ADARB2: variants seen among roughly 807,000 people sequenced by gnomAD.
The protein encoded by ADARB2 is adenosine deaminase RNA specific B2 (inactive).
ADARB2 carries 25 observed loss-of-function variants against 62.2 expected under a neutral mutation model. That is an observed-to-expected ratio of 0.40 (90% CI 0.29 to 0.56). The LOEUF (loss-of-function observed/expected upper bound fraction) is 0.56. Among genes scored for constraint, ADARB2 ranks in the 20% least tolerant of loss-of-function variants. The pLI is 0.43. For missense variants in ADARB2, 1,071 were observed against 1,077.4 expected, an observed-to-expected ratio of 0.99 and a Z score of 0.08; for synonymous variants, 572 against 500.8, an observed-to-expected ratio of 1.14 and a Z score of -1.90.
At position 1,448,804 on chromosome 10, in the gene ADARB2, A is replaced by G. The variant is rs528832879; in HGVS notation, c.101-69644T>C. On this transcript the variant is annotated intron_variant, in intron 1 of 9. Coordinates refer to ENST00000381312, the MANE Select transcript of ADARB2 (RefSeq NM_018702.4). Reference sequence around the variant, plus strand: ...TCCTTTGTCGACCTAGCACTGCTGGACTGTAATACTAACTTTAAATCAAAG... The same window carrying G: ...TCCTTTGTCGACCTAGCACTGCTGGGCTGTAATACTAACTTTAAATCAAAG... Among the ~76,000 whole-genome samples, 16 of 152,120 alleles carry G rather than the reference A, an allele frequency of 1.1e-4. No homozygotes were observed. In the East Asian group the frequency reaches 1.7e-3, roughly 17 times the overall value.
At chr10:1,229,654 T>G (rs1389006093) in intron 6 of ADARB2, among the ~76,000 whole-genome samples, 2 of 21,268 alleles carry the variant, frequency 9.4e-5, no homozygotes, top group African/African-American at 6.7e-4. Context: ...TGTCGTGTGC[T>G]TGTGTGTGCA....
rs1835090095 is a variant in ADARB2, at chr10:1,721,340, CATAAA to C, written c.100+15706_100+15710del. Among the ~76,000 whole-genome samples the C allele has an allele frequency of 2.0e-5, 3 of 152,200 alleles. No individual in the cohort carries two copies. In the South Asian group the frequency reaches 6.2e-4, roughly 31 times the overall value. ...AAGACCAAACGAATGTTGACGTTGA[CATAAA>C]ATAATTCAGAAAGAACAAGTATCAA... On this transcript the variant is annotated intron_variant, in intron 1 of 9. Coordinates refer to ENST00000381312, the MANE Select transcript of ADARB2 (RefSeq NM_018702.4).
intron 8 of ADARB2, among the ~76,000 whole-genome samples, chr10:1,185,315 T>C (rs1371554281): frequency 6.6e-6 from 1 of 152,182 alleles, no homozygotes; most frequent in African/African-American, 2.4e-5. Flanking sequence ...TCCGTCCAGA[T>C]TCCCCCCCCT....
chr10:1,264,636 C>T (rs959905831), intron 4 of ADARB2, among the ~76,000 whole-genome samples: 4 of 152,216 alleles, frequency 2.6e-5, no homozygotes, highest in Non-Finnish European at 4.4e-5. Flanking sequence ...CAAGCATATG[C>T]AGCAAAACAT....
intron 1 of ADARB2, among the ~76,000 whole-genome samples, chr10:1,485,642 G>T (rs1033004908): frequency 6.6e-6 from 1 of 152,166 alleles, no homozygotes. Context: ...ACACTAACTT[G>T]TTCATTGCTG....
At chr10:1,309,848 T>A (rs1589188291) in intron 3 of ADARB2, among the ~76,000 whole-genome samples, 1 of 152,212 alleles carries the variant, frequency 6.6e-6, no homozygotes, top group East Asian at 1.9e-4. Context: ...CCTATTTTAA[T>A]TCAGGACATT....
intron 1 of ADARB2, among the ~76,000 whole-genome samples, chr10:1,673,385 T>C (rs188736113): frequency 2.4e-3 from 358 of 151,612 alleles, no homozygotes; most frequent in African/African-American, 8.3e-3. Context: ...GGGCAACTTA[T>C]GGTCAAAGTC....
chr10:1,531,500 G>A (rs1019062923), intron 1 of ADARB2, among the ~76,000 whole-genome samples: 1 of 152,194 alleles, frequency 6.6e-6, no homozygotes, highest in African/African-American at 2.4e-5. Flanking sequence ...TTTACTCATT[G>A]CAGTGATAAC....
At chr10:1,247,142 G>T (rs920806884) in intron 4 of ADARB2, among the ~76,000 whole-genome samples, 7 of 152,190 alleles carry the variant, frequency 4.6e-5, no homozygotes, top group Non-Finnish European at 8.8e-5. Context: ...TCTGTTATTG[G>T]TGTATAAGAA....
At chr10:1,266,138 G>A (rs1025959979) in intron 4 of ADARB2, among the ~76,000 whole-genome samples, 4 of 152,264 alleles carry the variant, frequency 2.6e-5, no homozygotes, top group Middle Eastern at 3.4e-3. Context: ...ACGCTCTCCC[G>A]GAAGACACGG....
At chr10:1,579,096 T>G (rs1384292232) in intron 1 of ADARB2, among the ~76,000 whole-genome samples, 1 of 152,210 alleles carries the variant, frequency 6.6e-6, no homozygotes, top group Non-Finnish European at 1.5e-5. Context: ...TTACCCTGCC[T>G]TCCAGCTCTG....
intron 4 of ADARB2, among the ~76,000 whole-genome samples, chr10:1,269,665 C>T (rs1219648085): frequency 6.6e-6 from 1 of 152,020 alleles, no homozygotes; most frequent in Non-Finnish European, 1.5e-5. Context: ...ATGCTCTTGG[C>T]CTGCCAAACT....
chr10:1,374,845 T>A (rs1410264634), intron 2 of ADARB2, among the ~76,000 whole-genome samples: 2 of 152,110 alleles, frequency 1.3e-5, no homozygotes, highest in Non-Finnish European at 2.9e-5. Flanking sequence ...TTGCTTCTGG[T>A]GAAGGTTATT....
chr10:1,384,745 G>A (rs1832511512), intron 1 of ADARB2, among the ~76,000 whole-genome samples: 1 of 152,192 alleles, frequency 6.6e-6, no homozygotes, highest in Admixed American at 6.5e-5. Context: ...ACCAAAGTTT[G>A]CACTGCTGAG....
chr10:1,633,835 C>G (rs1833880126), intron 1 of ADARB2, among the ~76,000 whole-genome samples: 1 of 152,168 alleles, frequency 6.6e-6, no homozygotes, highest in African/African-American at 2.4e-5. Flanking sequence ...CAGTCCAGGC[C>G]CCCGACTCTG....
intron 2 of ADARB2, among the ~76,000 whole-genome samples, chr10:1,370,339 C>T (rs987546273): frequency 7.2e-5 from 11 of 152,194 alleles, no homozygotes; most frequent in Admixed American, 5.9e-4. Flanking sequence ...AACCCACAGC[C>T]AACGTCACAC....
rs1831202022 is a variant in ADARB2 at position 1,463,252 on chromosome 10, G to A, written c.101-84092C>T. ...GTGTTCAGCAGTGTTTCCTCTCTGG[G>A]GCGTTCACAGCATTTGGTGGAGGCC... On this transcript the variant is annotated intron_variant, in intron 1 of 9. Coordinates refer to ENST00000381312, the MANE Select transcript of ADARB2 (RefSeq NM_018702.4). Among the ~76,000 whole-genome samples the A allele has an allele frequency of 3.3e-5, 5 of 152,280 alleles. No homozygotes were observed. The South Asian group carries it at 6.2e-4, about 19-fold the overall frequency.
intron 1 of ADARB2, among the ~76,000 whole-genome samples, chr10:1,425,841 G>T (rs150871601): frequency 6.6e-6 from 1 of 152,296 alleles, no homozygotes; most frequent in Non-Finnish European, 1.5e-5. Context: ...CATGCATGCT[G>T]GAATAGATTA....
rs141937928 is a variant in ADARB2, at chr10:1,588,270, C to G, written c.100+148781G>C. Reference sequence around the variant, plus strand: ...CCCAGCCCAGGCCTGAAACCCTGAACGTATCTTCCTCTATTCCCATTTTGA... The same window carrying G: ...CCCAGCCCAGGCCTGAAACCCTGAAGGTATCTTCCTCTATTCCCATTTTGA... On this transcript the variant is annotated intron_variant, in intron 1 of 9. Transcript: ENST00000381312. 1.3e-3 allele frequency among the ~76,000 whole-genome samples: 202 copies of G among 152,268 alleles called. 1 individual carries two copies. Among genetic ancestry groups the G allele is most frequent in the African/African-American group, 4.7e-3 (196 of 41,542 alleles).
Sources: gnomAD v4.1 joint callset for allele counts (sites outside exome capture counted in the v4.1 genomes callset) on GRCh38, gnomAD v4.1.1 for gene constraint, MANE v1.5 for transcripts, NCBI Gene and HGNC (gene_info 2026-07-23, HGNC 2026-07-21) for gene names.